Variants in PCTP observed in about 807,000 individuals in gnomAD.
PCTP encodes the protein phosphatidylcholine transfer protein.
A neutral mutation model predicts 31.0 loss-of-function variants in PCTP; 27 were observed. The ratio of observed to expected loss-of-function variants is 0.87; its 90% CI spans 0.64 to 1.20. PCTP has a LOEUF of 1.20. Among genes scored for constraint, PCTP ranks in the 50% most tolerant of loss-of-function variants. The pLI is 0.00. For synonymous variants in PCTP, 108 were observed against 101.2 expected (o/e 1.07, Z -0.40); for missense variants, 287 against 268.2 (o/e 1.07, Z -0.49).
chr17:55,795,229 A>G (rs978269270), intron 3 of PCTP, among the ~76,000 whole-genome samples: 13 of 152,072 alleles, frequency 8.5e-5, no homozygotes, highest in South Asian at 2.1e-4. Flanking sequence ...TTGAAAGCCT[A>G]TTATGCATCT....
At chr17:55,838,219 G>A (rs955851739) in intron 5 of PCTP, among the ~76,000 whole-genome samples, 9 of 151,946 alleles carry the variant, frequency 5.9e-5, no homozygotes, top group East Asian at 1.9e-4. Context: ...TTCTTTGCTC[G>A]TAAGCTTCAG....
chr17:55,759,935 G>C (rs1910249345), intron 1 of PCTP, among the ~76,000 whole-genome samples: 1 of 152,144 alleles, frequency 6.6e-6, no homozygotes, highest in Non-Finnish European at 1.5e-5. Flanking sequence ...GTGTACTGTT[G>C]ACAATAATAT....
At chr17:55,756,282 A>G (rs993823693) in intron 1 of PCTP, among the ~76,000 whole-genome samples, 2 of 152,226 alleles carry the variant, frequency 1.3e-5, no homozygotes, top group Admixed American at 6.5e-5. Flanking sequence ...TGAAATGTCC[A>G]GTGGAAAATG....
chr17:55,765,794 T>C (rs1283273021), intron 1 of PCTP, among the ~76,000 whole-genome samples: 7 of 152,214 alleles, frequency 4.6e-5, no homozygotes, highest in Non-Finnish European at 1.0e-4. Flanking sequence ...TACAAAGTCC[T>C]TGGGGTCCAG....
At chr17:55,804,485 C>G (rs1369935976) in intron 3 of PCTP, among the ~76,000 whole-genome samples, 2 of 152,122 alleles carry the variant, frequency 1.3e-5, no homozygotes, top group Non-Finnish European at 2.9e-5. Context: ...AAATGATAGA[C>G]TGGATAAAGA....
intron 3 of PCTP, among the ~76,000 whole-genome samples, chr17:55,819,429 A>C (rs1354680902): frequency 6.6e-6 from 1 of 152,158 alleles, no homozygotes; most frequent in Non-Finnish European, 1.5e-5. Flanking sequence ...AAATTGGAAG[A>C]TTTGCAGTTC....
At chr17:55,751,645 G>A (rs1479272694) in intron 1 of PCTP, among the ~76,000 whole-genome samples, 1 of 152,118 alleles carries the variant, frequency 6.6e-6, no homozygotes, top group Non-Finnish European at 1.5e-5. Context: ...CTTAGGGCTT[G>A]GATATAGGAG....
chr17:55,832,545 G>A (rs1489880995), intron 5 of PCTP, among the ~76,000 whole-genome samples: 1 of 152,148 alleles, frequency 6.6e-6, no homozygotes, highest in African/African-American at 2.4e-5. Context: ...TTCTTACAAA[G>A]GCAAGAATGC....
At chr17:55,830,587 G>A (rs754190612) in intron 5 of PCTP, among the ~76,000 whole-genome samples, 1 of 152,084 alleles carries the variant, frequency 6.6e-6, no homozygotes, top group African/African-American at 2.4e-5. Context: ...TCTGAAAGAT[G>A]GTTTCCTTTC....
chr17:55,849,147 T>C, the PCTP span, among the ~76,000 whole-genome samples: 26 of 151,598 alleles, frequency 1.7e-4, no homozygotes, highest in African/African-American at 5.8e-4. Flanking sequence ...TAGGAAAAGA[T>C]GAAAAAGTAA....
intron 3 of PCTP, among the ~76,000 whole-genome samples, chr17:55,808,264 A>G (rs183530563): frequency 1.3e-4 from 20 of 152,342 alleles, no homozygotes; most frequent in Admixed American, 1.2e-3. Context: ...AAATGCCTTT[A>G]CAACTCCATA....
At chr17:55,801,110 C>T (rs952805005) in intron 3 of PCTP, among the ~76,000 whole-genome samples, 1 of 151,954 alleles carries the variant, frequency 6.6e-6, no homozygotes, top group African/African-American at 2.4e-5. Context: ...GGATCAGGGA[C>T]CTACTTGATG....
rs568172020 is a variant in PCTP, at chr17:55,776,165, T to TCTGGAAGTGCCAC, written c.*88_*100dup. 8 of 1,592,484 alleles carry TCTGGAAGTGCCAC rather than the reference T, an allele frequency of 5.0e-6. No individual in the cohort carries two copies. The African/African-American group carries it at 5.4e-5, about 11-fold the overall frequency. Reference sequence around the variant, plus strand: ...TCTGGAAGTGCAACCACCCAATGTCTCTGGAAGTGCCACCTGGAAGTGCCA... The same window carrying TCTGGAAGTGCCAC: ...TCTGGAAGTGCAACCACCCAATGTCTCTGGAAGTGCCACCTGGAAGTGCCACCTGGAAGTGCCA... On this transcript the variant is annotated 3_prime_UTR_variant, in exon 6 of 6. Transcript: ENST00000268896.
chr17:55,769,079 ACT>A (rs1173365272), intron 2 of PCTP: 1 of 152,112 alleles, frequency 6.6e-6, no homozygotes, highest in Non-Finnish European at 1.5e-5. Context: ...CCATCTGTAG[ACT>A]CTGTTTTCTT....
intron 1 of PCTP, among the ~76,000 whole-genome samples, chr17:55,753,391 T>A (rs965643864): frequency 2.0e-5 from 3 of 152,216 alleles, no homozygotes; most frequent in Non-Finnish European, 4.4e-5. Context: ...TAGCTAACAT[T>A]TATTGCATGA....
chr17:55,783,011 G>C (rs1372871435), intron 2 of PCTP, among the ~76,000 whole-genome samples: 3 of 152,054 alleles, frequency 2.0e-5, no homozygotes, highest in Non-Finnish European at 4.4e-5. Flanking sequence ...ATCAATGGTG[G>C]GGCAACAAGC....
chr17:55,757,029 G>T (rs1447821882), intron 1 of PCTP, among the ~76,000 whole-genome samples: 9 of 151,860 alleles, frequency 5.9e-5, no homozygotes, highest in Non-Finnish European at 8.8e-5. Flanking sequence ...TACCTTTCAG[G>T]GTTGTTGAGA....
In PCTP at chr17:55,773,745, C is replaced by T. The variant is rs371967661; in HGVS notation, c.361C>T (p.Arg121Ter). ...NRDYVYLRQR[R>*]DLDMEGRKIH... ...GCAGTATGTCTACCTTCGGCAGCGG[C>T]GAGACCTGGACATGGAAGGGAGGAA... Residue 121 changes from arginine to a stop codon, truncating the protein, a stop_gained, in exon 4 of 6, where the codon CGA (arginine) becomes TGA (stop). Coordinates refer to ENST00000268896, the MANE Select transcript of PCTP (RefSeq NM_021213.4). LOFTEE classifies it high-confidence loss of function. 42 of 1,613,226 alleles carry T rather than the reference C, an allele frequency of 2.6e-5. No homozygotes were observed. The highest frequency in any genetic ancestry group is 3.3e-5 in the Admixed American group (2 of 59,962).
chr17:55,776,071 G>T lies in PCTP; in HGVS notation c.616G>T (p.Ala206Ser). 6.2e-7 allele frequency: 1 copy of T among 1,614,028 alleles called. No individual in the cohort carries two copies. Among genetic ancestry groups the T allele is most frequent in the South Asian group, 1.1e-5 (1 of 91,048 alleles). ...TAACTTCTTGAAAGACATGGCAAGA[G>T]CCTGTCAGAACTACCTCAAGAAAAC... ...VPNFLKDMAR[A>S]CQNYLKKT Residue 206 changes from alanine (A) to serine (S), a missense_variant, in exon 6 of 6, where the codon GCC becomes TCC. Coordinates refer to ENST00000268896, the MANE Select transcript of PCTP (RefSeq NM_021213.4).
Sources: allele counts gnomAD v4.1 joint callset (sites outside exome capture counted in the v4.1 genomes callset), GRCh38; gene constraint gnomAD v4.1.1; transcripts MANE v1.5; gene names NCBI Gene and HGNC (gene_info 2026-07-23, HGNC 2026-07-21).